The following ASTN2 variants were observed in gnomAD, a reference collection of about 807,000 sequenced individuals.
ASTN2 encodes the protein astrotactin 2.
In ASTN2, 54 loss-of-function variants were observed where a neutral mutation model predicts 139.8. The observed-to-expected ratio is 0.39, with a 90% CI of 0.31 to 0.48. ASTN2 has a LOEUF of 0.48. Among genes scored for constraint, ASTN2 ranks in the 20% least tolerant of loss-of-function variants. The pLI, the probability that ASTN2 is intolerant of heterozygous loss-of-function variation, is 0.95. For missense variants in ASTN2, 1,565 were observed against 1,725.1 expected (o/e 0.91, Z 1.64); for synonymous variants, 756 against 719.5 (o/e 1.05, Z -0.81).
At chr9:117,261,635 C>G (rs2133109183) in intron 2 of ASTN2, among the ~76,000 whole-genome samples, 1 of 152,282 alleles carries the variant, frequency 6.6e-6, no homozygotes, top group South Asian at 2.1e-4. Flanking sequence ...TCCCATGACT[C>G]TCTCCTCATT....
In ASTN2 at chr9:117,077,067, G is replaced by A. The variant is rs376451419; in HGVS notation, c.1276+18977C>T. ...CGGCTGTTGCCCTCTGCATGGTAAC[G>A]AGCCGTTTGTTACCAGGCAGCCCAG... is the stretch of plus-strand genomic sequence containing the variant. On this transcript the variant is annotated intron_variant, in intron 5 of 22. Transcript: ENST00000313400. 2.0e-5 allele frequency among the ~76,000 whole-genome samples: 3 copies of A among 152,074 alleles called. No homozygotes were observed. The East Asian group carries it at 5.8e-4, about 29-fold the overall frequency.
intron 20 of ASTN2, among the ~76,000 whole-genome samples, chr9:116,474,039 T>C (rs969286813): frequency 1.3e-5 from 2 of 152,192 alleles, no homozygotes; most frequent in African/African-American, 4.8e-5. Flanking sequence ...AAAATGGCAA[T>C]ACCCTCACTG....
At chr9:117,108,438 A>AACACACACACAAACACACACAC (rs1829161970) in intron 4 of ASTN2, among the ~76,000 whole-genome samples, 3 of 145,234 alleles carry the variant, frequency 2.1e-5, no homozygotes, top group Admixed American at 6.9e-5. Flanking sequence ...AACAAAACAA[A>AACACACACACAAACACACACAC]ACACACACAC....
chr9:116,901,706 AT>A (rs1392697985), intron 10 of ASTN2, among the ~76,000 whole-genome samples: 1 of 152,202 alleles, frequency 6.6e-6, no homozygotes, highest in African/African-American at 2.4e-5. Context: ...ATTGATTGTT[AT>A]TTTAGAGTAT....
intron 20 of ASTN2, among the ~76,000 whole-genome samples, chr9:116,453,965 G>A (rs1450149577): frequency 4.6e-5 from 7 of 152,192 alleles, no homozygotes; most frequent in Non-Finnish European, 8.8e-5. Context: ...TGAACTCAGG[G>A]CTGCCTGTTG....
chr9:116,701,950 G>C (rs1827830123), intron 16 of ASTN2, among the ~76,000 whole-genome samples: 1 of 147,302 alleles, frequency 6.8e-6, no homozygotes, highest in African/African-American at 2.5e-5. Flanking sequence ...TTATATGGAA[G>C]TCTATCATGT....
At chr9:116,846,944 T>C (rs1461688612) in intron 11 of ASTN2, among the ~76,000 whole-genome samples, 1 of 144,548 alleles carries the variant, frequency 6.9e-6, no homozygotes, top group South Asian at 2.2e-4. Flanking sequence ...AAGGGTTCAG[T>C]TCAACAAATG....
chr9:117,407,810 G>A (rs1203421276), intron 1 of ASTN2, among the ~76,000 whole-genome samples: 1 of 152,166 alleles, frequency 6.6e-6, no homozygotes, highest in African/African-American at 2.4e-5. Context: ...CCATTGCAAG[G>A]AAAGAAAAAC....
intron 10 of ASTN2, among the ~76,000 whole-genome samples, chr9:116,893,127 T>A (rs1033566562): frequency 2.6e-5 from 4 of 151,654 alleles, no homozygotes; most frequent in Non-Finnish European, 4.4e-5. Flanking sequence ...GTTTTACTCA[T>A]TGAAGTGTTG....
At chr9:117,083,452 G>T (rs1186072927) in intron 5 of ASTN2, among the ~76,000 whole-genome samples, 1 of 152,168 alleles carries the variant, frequency 6.6e-6, no homozygotes, top group Non-Finnish European at 1.5e-5. Context: ...CAAACTGACA[G>T]TCAGGATTAA....
chr9:116,484,080 G>A (rs556079055), intron 20 of ASTN2, among the ~76,000 whole-genome samples: 3 of 152,128 alleles, frequency 2.0e-5, no homozygotes, highest in African/African-American at 4.8e-5. Flanking sequence ...CTGGATGGTC[G>A]TTCCTTCCAA....
At chr9:117,218,303 C>T (rs1284985400) in intron 2 of ASTN2, among the ~76,000 whole-genome samples, 1 of 152,202 alleles carries the variant, frequency 6.6e-6, no homozygotes, top group Non-Finnish European at 1.5e-5. Context: ...TATGGCTATC[C>T]CTTTAGGGCA....
At chr9:117,362,057 C>T (rs1049927684) in intron 1 of ASTN2, among the ~76,000 whole-genome samples, 1 of 152,154 alleles carries the variant, frequency 6.6e-6, no homozygotes, top group Admixed American at 6.6e-5. Context: ...TCACTGCAAC[C>T]TCCACCTCCT....
At position 117,060,484 on chromosome 9, in the gene ASTN2, G is replaced by GAAAGAAAGAAAGAAAGAAA. The variant is rs1839246224; in HGVS notation, c.1277-20520_1277-20519insTTTCTTTCTTTCTTTCTTT. Among the ~76,000 whole-genome samples the GAAAGAAAGAAAGAAAGAAA allele has an allele frequency of 3.5e-5, 2 of 57,938 alleles. 1 individual carries two copies. The highest frequency in any genetic ancestry group is 3.7e-4 in the Admixed American group (2 of 5,396). 38.0% of individuals were successfully genotyped at this position (57,938 alleles called of 152,430 possible). A position where few individuals can be genotyped will look rare whatever the true frequency, so the allele number is the denominator to read the frequency against. On this transcript the variant is annotated intron_variant, in intron 5 of 22. Transcript: ENST00000313400. Reference sequence around the variant, plus strand: ...AGGAAGGAAGGAAGGAAGGAAGGAAGGAATGAAAGAAAGAAAGAAAGAAAG... The same window carrying GAAAGAAAGAAAGAAAGAAA: ...AGGAAGGAAGGAAGGAAGGAAGGAAGAAAGAAAGAAAGAAAGAAAGAATGAAAGAAAGAAAGAAAGAAAG...
chr9:116,639,910 CTCAT>C (rs755190770), intron 17 of ASTN2, among the ~76,000 whole-genome samples: 18 of 152,098 alleles, frequency 1.2e-4, no homozygotes, highest in Admixed American at 2.6e-4. Flanking sequence ...CTTTTTTTCA[CTCAT>C]TCATTCAATC....
At chr9:116,951,095 T>G (rs1186185759) in intron 10 of ASTN2, among the ~76,000 whole-genome samples, 1 of 152,030 alleles carries the variant, frequency 6.6e-6, no homozygotes, top group Non-Finnish European at 1.5e-5. Flanking sequence ...CCCAGCACTT[T>G]GGGAGGCTGA....
At chr9:117,127,562 C>T (rs564137063) in intron 4 of ASTN2, among the ~76,000 whole-genome samples, 3 of 149,826 alleles carry the variant, frequency 2.0e-5, no homozygotes, top group Admixed American at 2.0e-4. Flanking sequence ...CAGATTTTTA[C>T]AATAGAGAGT....
intron 10 of ASTN2, among the ~76,000 whole-genome samples, chr9:116,914,832 A>G (rs557014199): frequency 6.6e-6 from 1 of 152,110 alleles, no homozygotes; most frequent in Admixed American, 6.6e-5. Flanking sequence ...CTGCACCTCA[A>G]AGTGGATCCT....
intron 3 of ASTN2, among the ~76,000 whole-genome samples, chr9:117,192,580 C>T (rs1831377696): frequency 6.6e-6 from 1 of 152,096 alleles, no homozygotes; most frequent in Admixed American, 6.5e-5. Context: ...CTGATCTCTC[C>T]CCATGCTATA....
Sources: allele counts gnomAD v4.1 joint callset (sites outside exome capture counted in the v4.1 genomes callset), GRCh38; gene constraint gnomAD v4.1.1; transcripts MANE v1.5; gene names NCBI Gene and HGNC (gene_info 2026-07-23, HGNC 2026-07-21).